TMEM267: variants seen among roughly 807,000 people sequenced by gnomAD.
The protein encoded by TMEM267 is transmembrane protein C5orf28.
A neutral mutation model predicts 19.3 loss-of-function variants in TMEM267; 20 were observed. That is an observed-to-expected ratio of 1.04 (90% confidence interval 0.73 to 1.51). The LOEUF (loss-of-function observed/expected upper bound fraction) is 1.51, where lower values mean the gene tolerates loss of function less well. Ranked by LOEUF, TMEM267 falls within the 40% of genes most tolerant of loss-of-function variation. TMEM267 has a pLI of 0.00. For synonymous variants in TMEM267, 88 were observed against 90.3 expected (o/e 0.97, Z 0.15); for missense variants, 242 against 261.9 (o/e 0.92, Z 0.52).
At chr5:43,454,317 A>G (rs1320020906) in intron 1 of TMEM267, 1 of 199,094 alleles carries the variant, frequency 5.0e-6, no homozygotes, top group East Asian at 1.3e-4. Flanking sequence ...CATCAAATAG[A>G]TCTATCTCCC....
chr5:43,474,823 C>CA (rs1012283945), intron 1 of TMEM267, among the ~76,000 whole-genome samples: 48 of 149,720 alleles, frequency 3.2e-4, no homozygotes, highest in Non-Finnish European at 1.6e-4. Flanking sequence ...ATATGCAAAT[C>CA]AAAACCACAT....
intron 1 of TMEM267, among the ~76,000 whole-genome samples, chr5:43,467,146 CAAAAAAA>C (rs70994698): frequency 2.0e-5 from 1 of 49,012 alleles, no homozygotes; most frequent in Non-Finnish European, 4.5e-5. Context: ...GAGACTCTGT[CAAAAAAA>C]AAAAAAAAAA....
At chr5:43,483,353 A>G (rs2112240292) in intron 1 of TMEM267, among the ~76,000 whole-genome samples, 1 of 152,334 alleles carries the variant, frequency 6.6e-6, no homozygotes, top group Middle Eastern at 3.4e-3. Flanking sequence ...TGTCATTTAA[A>G]AAAATGGGCC....
intron 1 of TMEM267, among the ~76,000 whole-genome samples, chr5:43,461,928 G>C (rs930297957): frequency 3.3e-5 from 5 of 152,254 alleles, no homozygotes; most frequent in African/African-American, 1.2e-4. Flanking sequence ...AGAGTCCCAG[G>C]GCCTACAGCA....
At chr5:43,472,468 A>T (rs534567145) in intron 1 of TMEM267, among the ~76,000 whole-genome samples, 3 of 151,044 alleles carry the variant, frequency 2.0e-5, no homozygotes, top group African/African-American at 4.9e-5. Context: ...GGAAATCAGT[A>T]TATCAAAGAG....
intron 1 of TMEM267, among the ~76,000 whole-genome samples, chr5:43,477,404 C>T (rs188256304): frequency 6.6e-6 from 1 of 152,066 alleles, no homozygotes; most frequent in East Asian, 1.9e-4. Flanking sequence ...CTGACCAACA[C>T]CGTGAAACCC....
intron 1 of TMEM267, among the ~76,000 whole-genome samples, chr5:43,471,354 T>C (rs1180249323): frequency 1.3e-5 from 2 of 151,858 alleles, no homozygotes; most frequent in Non-Finnish European, 2.9e-5. Context: ...TGTTAAAATG[T>C]CCATAATACC....
chr5:43,453,937 T>A lies in TMEM267; in HGVS notation c.33A>T (p.Leu11Phe). ...GAGATTCAGTGCTACAAGTCTGCAG[T>A]AAAGCATGGGTCTTTTCAGTCTCGG... MASETEKTHALLQTCSTESLI... is the reference protein window; with the variant it reads MASETEKTHAFLQTCSTESLI... Residue 11 changes from leucine to phenylalanine, a missense_variant, in exon 2 of 3, where the codon TTA (leucine) becomes TTT (phenylalanine). Physicochemically the swap from Leu to Phe is conservative, Grantham distance 22. Transcript: ENST00000397080. The A allele has an allele frequency of 6.2e-7, 1 of 1,614,004 alleles. No homozygotes were observed. Among genetic ancestry groups the A allele is most frequent in the Non-Finnish European group, 8.5e-7 (1 of 1,179,950 alleles).
chr5:43,446,406 T>C lies in TMEM267; in HGVS notation c.464A>G (p.His155Arg), dbSNP rs749822109. 71 of 1,613,970 alleles carry C rather than the reference T, an allele frequency of 4.4e-5. No homozygotes were observed. The highest frequency in any genetic ancestry group is 5.8e-5 in the Non-Finnish European group (69 of 1,179,984). The change falls in exon 3 of 3, where the codon CAT becomes CGT. Residue 155 changes from histidine to arginine, a missense_variant. By Grantham distance (29) the His-to-Arg change is conservative. Transcript: ENST00000397080. ...ATGACGAATCCCATCTCGGATATGATGTGAAGTCCAGGATATAAATAACAT... is the reference window on the plus strand; with the variant it reads ...ATGACGAATCCCATCTCGGATATGACGTGAAGTCCAGGATATAAATAACAT... ...PWMLFISWTS[H>R]HIRDGIRHGL...
intron 1 of TMEM267, among the ~76,000 whole-genome samples, chr5:43,464,861 A>G (rs1331112631): frequency 6.6e-6 from 1 of 152,198 alleles, no homozygotes; most frequent in Non-Finnish European, 1.5e-5. Flanking sequence ...CCCTAGAAGA[A>G]AACCTAGTCA....
intron 1 of TMEM267, among the ~76,000 whole-genome samples, chr5:43,475,833 T>C (rs1303986506): frequency 1.3e-5 from 2 of 152,092 alleles, no homozygotes; most frequent in African/African-American, 2.4e-5. Flanking sequence ...CAACTCAAAA[T>C]GCCAAGAATT....
At chr5:43,459,496 T>G (rs1234719429) in intron 1 of TMEM267, among the ~76,000 whole-genome samples, 1 of 152,024 alleles carries the variant, frequency 6.6e-6, no homozygotes, top group East Asian at 1.9e-4. Flanking sequence ...AAACAAAAAG[T>G]CTTCACAATA....
In TMEM267 at chr5:43,446,409, G is replaced by A. The variant is rs1166142593; in HGVS notation, c.461C>T (p.Ser154Leu). 14 of 1,614,000 alleles carry A rather than the reference G, an allele frequency of 8.7e-6. No homozygotes were observed. In the South Asian group the frequency reaches 1.2e-4, roughly 14 times the overall value. ...ACGAATCCCATCTCGGATATGATGT[G>A]AAGTCCAGGATATAAATAACATCCA... ...LPWMLFISWTSHHIRDGIRHG... is the reference protein window; with the variant it reads ...LPWMLFISWTLHHIRDGIRHG... The change falls in exon 3 of 3, where the codon TCA becomes TTA. Residue 154 changes from serine (S) to leucine (L), a missense_variant. By Grantham distance (145) the Ser-to-Leu change is moderately radical. Transcript: ENST00000397080.
At chr5:43,448,039 C>T (rs1742361167) in intron 2 of TMEM267, among the ~76,000 whole-genome samples, 1 of 152,096 alleles carries the variant, frequency 6.6e-6, no homozygotes, top group Admixed American at 6.6e-5. Context: ...AAAACACAAA[C>T]AAAAATCAGA....
At chr5:43,473,075 T>C (rs537023260) in intron 1 of TMEM267, among the ~76,000 whole-genome samples, 3 of 139,960 alleles carry the variant, frequency 2.1e-5, no homozygotes, top group African/African-American at 8.3e-5. Flanking sequence ...GAGGCGGAGG[T>C]TGCAGCAAGA....
rs1742168100 is a variant in TMEM267, at chr5:43,445,045, AGT to A, written c.*1175_*1176del. 1 of 152,168 alleles carries A rather than the reference AGT, an allele frequency of 6.6e-6. No individual in the cohort carries two copies. Among genetic ancestry groups the A allele is most frequent in the African/African-American group, 2.4e-5 (1 of 41,454 alleles). The allele number at this position is 152,168 out of a possible 1,614,324, so 9.4% of individuals were successfully genotyped here. Reference sequence around the variant, plus strand: ...AATCACTAACATTATAAATCACAAAAGTGTAAGAAAATCTGAAGACAGCAGAT... The same window carrying A: ...AATCACTAACATTATAAATCACAAAAGTAAGAAAATCTGAAGACAGCAGAT... On this transcript the variant is annotated 3_prime_UTR_variant, in exon 3 of 3. Coordinates refer to ENST00000397080, the MANE Select transcript of TMEM267 (RefSeq NM_022483.5).
At chr5:43,447,092 A>G (rs1742287229) in intron 2 of TMEM267, among the ~76,000 whole-genome samples, 1 of 151,760 alleles carries the variant, frequency 6.6e-6, no homozygotes, top group African/African-American at 2.4e-5. Flanking sequence ...AACTTCAGTA[A>G]ATTTCTTTTT....
At chr5:43,466,234 C>G (rs1743663880) in intron 1 of TMEM267, among the ~76,000 whole-genome samples, 1 of 152,036 alleles carries the variant, frequency 6.6e-6, no homozygotes. Flanking sequence ...GATAAAGTAA[C>G]AATCCTAAAA....
rs1437413249 is a variant in TMEM267 at position 43,444,620 on chromosome 5, T to C, written c.*1602A>G. On this transcript the variant is annotated 3_prime_UTR_variant, in exon 3 of 3. Coordinates refer to ENST00000397080, the MANE Select transcript of TMEM267 (RefSeq NM_022483.5). ...AAGGCCCTATATTTTTAATAATATT[T>C]ATTTGTTTAATATGAAGAAAGAAAA... The C allele has an allele frequency of 6.6e-6, 1 of 152,146 alleles. No individual in the cohort carries two copies. Among genetic ancestry groups the C allele is most frequent in the Non-Finnish European group, 1.5e-5 (1 of 68,018 alleles). 9.4% of individuals were successfully genotyped at this position (152,146 alleles called of 1,614,324 possible). A position where few individuals can be genotyped will look rare whatever the true frequency, so the allele number is the denominator to read the frequency against.
Sources: allele counts gnomAD v4.1 joint callset (sites outside exome capture counted in the v4.1 genomes callset), GRCh38; gene constraint gnomAD v4.1.1; transcripts MANE v1.5; gene names NCBI Gene and HGNC (gene_info 2026-07-23, HGNC 2026-07-21).